Variants in RYK observed in about 807,000 individuals in gnomAD.
RYK encodes receptor like tyrosine kinase, also known as inactive tyrosine-protein kinase RYK.
In RYK, 21 loss-of-function variants were observed where a neutral mutation model predicts 70.2. The observed-to-expected ratio is 0.30, with a 90% CI of 0.21 to 0.43. The LOEUF is 0.43. Among genes scored for constraint, RYK ranks in the 20% least tolerant of loss-of-function variants. RYK has a pLI of 1.00. For missense variants in RYK, 604 were observed against 753.3 expected, an observed-to-expected ratio of 0.80 and a Z score of 2.32; for synonymous variants, 267 against 278.0, an observed-to-expected ratio of 0.96 and a Z score of 0.39.
At chr3:134,202,319 A>G (rs892115453) in intron 6 of RYK, among the ~76,000 whole-genome samples, 4 of 152,214 alleles carry the variant, frequency 2.6e-5, no homozygotes, top group African/African-American at 4.8e-5. Context: ...CAGGTTGAGA[A>G]CCAATGGTTT....
At chr3:134,198,892 T>C (rs115004834) in intron 6 of RYK, among the ~76,000 whole-genome samples, 1,868 of 152,204 alleles carry the variant, frequency 0.012, 51 homozygotes, top group African/African-American at 0.043. Context: ...AGTAATGGCA[T>C]GGGGGCGGTG....
At chr3:134,200,094 G>C (rs1456481728) in intron 6 of RYK, among the ~76,000 whole-genome samples, 1 of 152,014 alleles carries the variant, frequency 6.6e-6, no homozygotes, top group African/African-American at 2.4e-5. Context: ...TGTGGGTGGG[G>C]CCAAATAAGG....
At chr3:134,165,176 CTTTA>C (rs1322017907) in intron 13 of RYK, among the ~76,000 whole-genome samples, 1 of 152,060 alleles carries the variant, frequency 6.6e-6, no homozygotes, top group Admixed American at 6.6e-5. Context: ...TTTTTTAAAA[CTTTA>C]TTTTTCATTG....
At chr3:134,216,329 G>T (rs1041268945) in intron 2 of RYK, among the ~76,000 whole-genome samples, 1 of 152,038 alleles carries the variant, frequency 6.6e-6, no homozygotes, top group Non-Finnish European at 1.5e-5. Context: ...CTCTGCAAAG[G>T]ACACAGCTGC....
chr3:134,217,996 T>TA lies in RYK; in HGVS notation c.354+4421dup, dbSNP rs535004368. Among the ~76,000 whole-genome samples, 47 of 152,284 alleles carry TA rather than the reference T, an allele frequency of 3.1e-4. 1 individual carries two copies. In the South Asian group the frequency reaches 7.5e-3, roughly 24 times the overall value. On this transcript the variant is annotated intron_variant, in intron 2 of 14. Coordinates refer to ENST00000623711, the MANE Select transcript of RYK (RefSeq NM_002958.4). ...CAGACATATTTCCTTAGTTTTTTACTAAAAAAACATCGTAAGACGGTTACT... is the reference window on the plus strand; with the variant it reads ...CAGACATATTTCCTTAGTTTTTTACTAAAAAAAACATCGTAAGACGGTTACT...
At chr3:134,183,650 A>G (rs2013373433) in intron 9 of RYK, among the ~76,000 whole-genome samples, 2 of 152,238 alleles carry the variant, frequency 1.3e-5, no homozygotes, top group South Asian at 4.1e-4. Flanking sequence ...ACATGTAACA[A>G]AATTTTGAAA....
intron 1 of RYK, among the ~76,000 whole-genome samples, chr3:134,243,260 T>C (rs2015371745): frequency 2.0e-5 from 3 of 152,188 alleles, no homozygotes; most frequent in Non-Finnish European, 4.4e-5. Flanking sequence ...TCTTTAGCCC[T>C]AAAGTCTCTT....
chr3:134,208,678 G>A (rs1432437638), intron 4 of RYK, among the ~76,000 whole-genome samples: 2 of 152,098 alleles, frequency 1.3e-5, no homozygotes, highest in African/African-American at 4.8e-5. Context: ...GATTTCAATT[G>A]GGAAATTTAT....
intron 2 of RYK, among the ~76,000 whole-genome samples, chr3:134,221,333 T>C (rs1185850196): frequency 6.7e-6 from 1 of 150,188 alleles, no homozygotes; most frequent in Non-Finnish European, 1.5e-5. Flanking sequence ...GCCTCCTGAG[T>C]AGCTGGGAAT....
At position 134,214,721 on chromosome 3, in the gene RYK, C is replaced by G. The variant is rs1039543549; in HGVS notation, c.355-3114G>C. 7.2e-4 allele frequency among the ~76,000 whole-genome samples: 110 copies of G among 152,328 alleles called. 2 individuals carry two copies. Among genetic ancestry groups the G allele is most frequent in the Non-Finnish European group, 1.6e-4 (11 of 68,026 alleles). ...CAGCAATCCCTTCCTCACTGACCCT[C>G]TTTTCCCTCGTCTTATTCCAACCTT... On this transcript the variant is annotated intron_variant, in intron 2 of 14. Coordinates refer to ENST00000623711, the MANE Select transcript of RYK (RefSeq NM_002958.4).
chr3:134,203,641 A>G (rs2014100241), intron 5 of RYK, among the ~76,000 whole-genome samples: 1 of 152,228 alleles, frequency 6.6e-6, no homozygotes, highest in Non-Finnish European at 1.5e-5. Context: ...AAGATTAAAA[A>G]AAAGAAAGAA....
At chr3:134,210,792 T>C (rs2014368225) in intron 3 of RYK, among the ~76,000 whole-genome samples, 1 of 152,152 alleles carries the variant, frequency 6.6e-6, no homozygotes, top group Non-Finnish European at 1.5e-5. Flanking sequence ...TTGCTAGATA[T>C]GTAATCAGTG....
chr3:134,189,595 C>T (rs144051636), intron 8 of RYK, among the ~76,000 whole-genome samples: 248 of 151,632 alleles, frequency 1.6e-3, no homozygotes, highest in African/African-American at 5.8e-3. Context: ...CCCGTCTCTA[C>T]TAAAAATACA....
intron 11 of RYK, 143 bp downstream of exon 11, chr3:134,177,798 G>A: frequency 1.4e-6 from 1 of 694,082 alleles, no homozygotes; most frequent in Non-Finnish European, 2.4e-6. Flanking sequence ...AAGCCAACAG[G>A]TTATAAATAT....
chr3:134,244,836 G>A (rs1218508732), intron 1 of RYK, among the ~76,000 whole-genome samples: 1 of 152,150 alleles, frequency 6.6e-6, no homozygotes, highest in Non-Finnish European at 1.5e-5. Flanking sequence ...TAGCAGGTAG[G>A]GCCCTTTGGG....
intron 9 of RYK, among the ~76,000 whole-genome samples, chr3:134,187,305 T>C (rs1270440558): frequency 6.6e-6 from 1 of 152,224 alleles, no homozygotes; most frequent in African/African-American, 2.4e-5. Context: ...ATGTATTCCT[T>C]TAAGTAAATT....
At chr3:134,195,768 G>A (rs796354060) in intron 6 of RYK, among the ~76,000 whole-genome samples, 31 of 152,262 alleles carry the variant, frequency 2.0e-4, no homozygotes, top group African/African-American at 6.3e-4. Context: ...CCTACATGGT[G>A]AAACCCTGTC....
chr3:134,180,396 G>A (rs543283570), intron 10 of RYK: 9 of 152,264 alleles, frequency 5.9e-5, no homozygotes, highest in Non-Finnish European at 1.0e-4. Context: ...TTCAATACGC[G>A]TACAATCCGT....
At chr3:134,247,424 C>T (rs1444792927) in intron 1 of RYK, among the ~76,000 whole-genome samples, 2 of 152,154 alleles carry the variant, frequency 1.3e-5, no homozygotes, top group East Asian at 1.9e-4. Flanking sequence ...GTCTTTTAAG[C>T]CGGATGCGGT....
Sources: allele counts gnomAD v4.1 joint callset (sites outside exome capture counted in the v4.1 genomes callset), GRCh38; gene constraint gnomAD v4.1.1; transcripts MANE v1.5; gene names NCBI Gene and HGNC (gene_info 2026-07-23, HGNC 2026-07-21).